COL6A6: variants seen among roughly 807,000 people sequenced by gnomAD.
COL6A6 encodes the protein collagen type VI alpha 6 chain.
In COL6A6, 183 loss-of-function variants were observed where a neutral mutation model predicts 208.6. The observed-to-expected ratio is 0.88, with a 90% CI of 0.78 to 0.99. The LOEUF (loss-of-function observed/expected upper bound fraction) is 0.99, where lower values mean the gene tolerates loss of function less well. Among genes scored for constraint, COL6A6 ranks in the 50% least tolerant of loss-of-function variants. The pLI is 0.00. For missense variants in COL6A6, 2,816 were observed against 2,815.2 expected (o/e 1.00, Z -0.01); for synonymous variants, 973 against 1,011.8 (o/e 0.96, Z 0.73).
intron 15 of COL6A6, 40 bp downstream of exon 15, chr3:130,592,762 A>T (rs528651346): frequency 6.6e-7 from 1 of 1,504,150 alleles, no homozygotes; most frequent in Non-Finnish European, 9.1e-7. Context: ...CCCATATGTT[A>T]TCTAGAAATA....
chr3:130,609,663 A>G (rs906372952), intron 22 of COL6A6, among the ~76,000 whole-genome samples: 6 of 152,290 alleles, frequency 3.9e-5, no homozygotes, highest in African/African-American at 1.4e-4. Context: ...TTCCTCTCCA[A>G]AGTTAGTTTT....
At chr3:130,652,996 A>T (rs2065687938) in intron 33 of COL6A6, among the ~76,000 whole-genome samples, 1 of 152,190 alleles carries the variant, frequency 6.6e-6, no homozygotes, top group Non-Finnish European at 1.5e-5. Flanking sequence ...GACTGTGATC[A>T]CCGTCTTGGA....
rs763090231 is a variant in COL6A6, at chr3:130,661,935, C to G, written c.6129C>G (p.Leu2043=). ...FNLTTYRSKR[L]MKRHVHESVK... Reference sequence around the variant, plus strand: ...TTACCACCTACAGAAGTAAGCGCCTCATGAAGAGGCATGTGCACGAGTCAG... The same window carrying G: ...TTACCACCTACAGAAGTAAGCGCCTGATGAAGAGGCATGTGCACGAGTCAG... The change falls in exon 35 of 37, where the codon CTC becomes CTG. Residue 2043 remains leucine (L), a synonymous_variant. Coordinates refer to ENST00000358511, the MANE Select transcript of COL6A6 (RefSeq NM_001102608.3). The G allele has an allele frequency of 1.9e-6, 3 of 1,613,852 alleles. No individual in the cohort carries two copies. In the African/African-American group the frequency reaches 4.0e-5, roughly 22 times the overall value.
intron 22 of COL6A6, 118 bp downstream of exon 22, chr3:130,609,082 T>G (rs936226552): frequency 1.2e-5 from 9 of 740,744 alleles, no homozygotes; most frequent in Non-Finnish European, 2.0e-5. Flanking sequence ...TTTAAAGTTC[T>G]CATGGTAATA....
intron 1 of COL6A6, among the ~76,000 whole-genome samples, chr3:130,555,016 C>T (rs1339258866): frequency 1.3e-5 from 2 of 152,164 alleles, no homozygotes; most frequent in Non-Finnish European, 2.9e-5. Context: ...GTCAGACTGG[C>T]TCCATCTCAT....
intron 8 of COL6A6, among the ~76,000 whole-genome samples, chr3:130,576,452 A>G (rs1437509610): frequency 1.3e-5 from 2 of 152,184 alleles, no homozygotes; most frequent in African/African-American, 4.8e-5. Flanking sequence ...TCTGCTTCAC[A>G]TACTTTGGAA....
chr3:130,650,620 AAG>A (rs2065614120), intron 33 of COL6A6, among the ~76,000 whole-genome samples: 2 of 151,078 alleles, frequency 1.3e-5, no homozygotes, highest in East Asian at 1.9e-4. Context: ...CAAAAAAAAA[AAG>A]AAAAAAGAAA....
chr3:130,597,692 A>G (rs2063890393), intron 18 of COL6A6, among the ~76,000 whole-genome samples: 2 of 152,248 alleles, frequency 1.3e-5, no homozygotes, highest in African/African-American at 4.8e-5. Context: ...GGCCTGCTAA[A>G]GAGAATATCC....
chr3:130,622,202 T>TG (rs1553711183), intron 24 of COL6A6, among the ~76,000 whole-genome samples: 1 of 57,056 alleles, frequency 1.8e-5, no homozygotes, highest in Admixed American at 2.3e-4. Flanking sequence ...TCCCCCCGCC[T>TG]ACCCCCCCCT....
At chr3:130,553,856 GTTTTGTTTT>G (rs2062705541) in intron 1 of COL6A6, among the ~76,000 whole-genome samples, 2 of 23,982 alleles carry the variant, frequency 8.3e-5, no homozygotes, top group Non-Finnish European at 5.3e-4. Flanking sequence ...GTTTTTTTTT[GTTTTGTTTT>G]GTTTTGTTTT....
chr3:130,619,113 A>C (rs1253146407), intron 23 of COL6A6, among the ~76,000 whole-genome samples: 1 of 152,216 alleles, frequency 6.6e-6, no homozygotes, highest in Admixed American at 6.5e-5. Context: ...TAGGTATCCT[A>C]TGATGCGCCA....
chr3:130,600,887 A>G (rs2063994538), intron 20 of COL6A6, among the ~76,000 whole-genome samples: 1 of 152,136 alleles, frequency 6.6e-6, no homozygotes, highest in Non-Finnish European at 1.5e-5. Context: ...AAAATTTAAA[A>G]CAGGAAAAAA....
intron 18 of COL6A6, among the ~76,000 whole-genome samples, chr3:130,596,643 A>C (rs1211062566): frequency 6.6e-6 from 1 of 152,162 alleles, no homozygotes. Flanking sequence ...GATCACATGG[A>C]AGTGCATTTG....
chr3:130,577,062 A>C (rs749875143), intron 8 of COL6A6, among the ~76,000 whole-genome samples: 11 of 152,196 alleles, frequency 7.2e-5, no homozygotes, highest in Non-Finnish European at 1.6e-4. Flanking sequence ...GGTCAGACGC[A>C]TGGAGGTATG....
intron 21 of COL6A6, among the ~76,000 whole-genome samples, chr3:130,607,433 A>G (rs905240230): frequency 6.6e-6 from 1 of 152,210 alleles, no homozygotes; most frequent in Admixed American, 6.5e-5. Context: ...GTGATACATT[A>G]TATGTGTTTC....
intron 35 of COL6A6, among the ~76,000 whole-genome samples, chr3:130,664,466 C>G (rs1576424091): frequency 1.3e-5 from 2 of 152,064 alleles, no homozygotes; most frequent in African/African-American, 4.8e-5. Context: ...GAATTCCCAT[C>G]AAAAATGGCT....
At chr3:130,619,847 GA>G (rs766005647) in intron 23 of COL6A6, among the ~76,000 whole-genome samples, 3 of 152,116 alleles carry the variant, frequency 2.0e-5, no homozygotes, top group Non-Finnish European at 4.4e-5. Context: ...ACTATTCCTT[GA>G]TGAAAAGAAA....
chr3:130,561,475 T>A (rs1323045535), intron 2 of COL6A6, among the ~76,000 whole-genome samples: 1 of 152,168 alleles, frequency 6.6e-6, no homozygotes, highest in Non-Finnish European at 1.5e-5. Flanking sequence ...ATAAAAGGAA[T>A]GAAATAACAC....
At chr3:130,583,228 G>A (rs1377535595) in intron 10 of COL6A6, among the ~76,000 whole-genome samples, 1 of 152,038 alleles carries the variant, frequency 6.6e-6, no homozygotes, top group Non-Finnish European at 1.5e-5. Flanking sequence ...TTACTACTAG[G>A]GAGTAAAGTT....
Sources: allele counts gnomAD v4.1 joint callset (sites outside exome capture counted in the v4.1 genomes callset), GRCh38; gene constraint gnomAD v4.1.1; transcripts MANE v1.5; gene names NCBI Gene and HGNC (gene_info 2026-07-23, HGNC 2026-07-21).